Variants in ST6GAL1 observed in about 807,000 individuals in gnomAD.
ST6GAL1 encodes beta-galactoside alpha-2,6-sialyltransferase 1.
A neutral mutation model predicts 38.0 loss-of-function variants in ST6GAL1; 20 were observed. The ratio of observed to expected loss-of-function variants is 0.53; its 90% CI spans 0.37 to 0.77. The LOEUF is 0.77. Ranked by LOEUF, ST6GAL1 falls within the 30% of genes least tolerant of loss-of-function variation. The pLI is 0.00. For missense variants in ST6GAL1, 432 were observed against 496.4 expected (o/e 0.87, Z 1.23); for synonymous variants, 196 against 188.2 (o/e 1.04, Z -0.34).
chr3:187,001,431 C>G (rs1264825123), intron 2 of ST6GAL1, among the ~76,000 whole-genome samples: 1 of 152,228 alleles, frequency 6.6e-6, no homozygotes, highest in African/African-American at 2.4e-5. Context: ...GTGCTGAGAT[C>G]AGTGCCTGGC....
At chr3:186,945,581 G>C (rs959859186) in intron 1 of ST6GAL1, among the ~76,000 whole-genome samples, 3 of 152,132 alleles carry the variant, frequency 2.0e-5, no homozygotes, top group Admixed American at 1.3e-4. Flanking sequence ...GCAGGGGCAG[G>C]GATGGGCAGT....
chr3:187,070,289 G>C (rs575959075), intron 5 of ST6GAL1, among the ~76,000 whole-genome samples: 4 of 152,112 alleles, frequency 2.6e-5, no homozygotes, highest in Admixed American at 2.0e-4. Flanking sequence ...ATGGATGCTG[G>C]GTAACATCTG....
chr3:187,021,989 T>C (rs557946944), intron 2 of ST6GAL1: 1 of 152,284 alleles, frequency 6.6e-6, no homozygotes, highest in South Asian at 2.1e-4. Flanking sequence ...GCATCCTTGA[T>C]GATAAACCAG....
At chr3:187,030,138 A>C (rs1039624141) in intron 2 of ST6GAL1, among the ~76,000 whole-genome samples, 1 of 152,222 alleles carries the variant, frequency 6.6e-6, no homozygotes, top group Non-Finnish European at 1.5e-5. Context: ...ACAAGGAGTT[A>C]TGATAGAAAC....
In ST6GAL1 at chr3:187,075,826, C is replaced by CA; in HGVS notation, c.*24dup. The CA allele has an allele frequency of 1.2e-6, 2 of 1,611,964 alleles. No individual in the cohort carries two copies. Among genetic ancestry groups the CA allele is most frequent in the South Asian group, 2.2e-5 (2 of 91,002 alleles). ...TAAGCACAGGCTCCTCACTCTTCTC[C>CA]ATCAGGCATTAAATGAATGGTCTCT... is the stretch of plus-strand genomic sequence containing the variant. On this transcript the variant is annotated 3_prime_UTR_variant, in exon 8 of 8. Transcript: ENST00000169298. The surrounding 1 kb of genome is among the most constrained non-coding windows in gnomAD (Gnocchi z 4.1).
intron 2 of ST6GAL1, among the ~76,000 whole-genome samples, chr3:187,017,515 T>C (rs998960719): frequency 6.6e-6 from 1 of 152,196 alleles, no homozygotes; most frequent in African/African-American, 2.4e-5. Context: ...ACCAAGGGCC[T>C]TGAAGCTCTC....
At chr3:187,044,283 C>G (rs1247423792) in intron 4 of ST6GAL1, among the ~76,000 whole-genome samples, 1 of 152,206 alleles carries the variant, frequency 6.6e-6, no homozygotes, top group Admixed American at 6.5e-5. Context: ...AAGCAAAGCA[C>G]AGGAAGCTTT....
At chr3:186,968,206 G>A (rs1715217720) in intron 2 of ST6GAL1, among the ~76,000 whole-genome samples, 1 of 152,206 alleles carries the variant, frequency 6.6e-6, no homozygotes, top group African/African-American at 2.4e-5. Flanking sequence ...ATAGCTGCAT[G>A]ACCTCCCGGC....
chr3:186,994,135 C>G (rs571511535), intron 2 of ST6GAL1, among the ~76,000 whole-genome samples: 1 of 152,268 alleles, frequency 6.6e-6, no homozygotes, highest in African/African-American at 2.4e-5. Context: ...GTCGATTCAG[C>G]TCTACTCAGC....
chr3:186,960,147 T>C (rs532486048), intron 1 of ST6GAL1, among the ~76,000 whole-genome samples: 1 of 152,344 alleles, frequency 6.6e-6, no homozygotes, highest in South Asian at 2.1e-4. Context: ...GCCTCACACA[T>C]GGTACACTTA....
At chr3:186,994,761 T>C (rs779804667) in intron 2 of ST6GAL1, among the ~76,000 whole-genome samples, 1 of 152,078 alleles carries the variant, frequency 6.6e-6, no homozygotes, top group Non-Finnish European at 1.5e-5. Flanking sequence ...CTGGCCAACA[T>C]GATGAAACTC....
At chr3:186,972,933 A>G (rs913150880) in intron 2 of ST6GAL1, among the ~76,000 whole-genome samples, 3 of 152,050 alleles carry the variant, frequency 2.0e-5, no homozygotes, top group African/African-American at 7.2e-5. Flanking sequence ...TTCCAGGGGG[A>G]ATGGAGAGGT....
At chr3:186,948,275 G>A (rs1393020575) in intron 1 of ST6GAL1, among the ~76,000 whole-genome samples, 2 of 152,234 alleles carry the variant, frequency 1.3e-5, no homozygotes, top group African/African-American at 2.4e-5. Flanking sequence ...CTGAAAGAGG[G>A]ACCAGGAAGG....
chr3:187,006,664 T>C (rs900300580), intron 2 of ST6GAL1: 2 of 152,230 alleles, frequency 1.3e-5, no homozygotes, highest in African/African-American at 4.8e-5. Context: ...AGTAAGTGAT[T>C]TGTCTAAGGT....
chr3:186,957,280 C>T (rs373244737), intron 1 of ST6GAL1, among the ~76,000 whole-genome samples: 1 of 151,946 alleles, frequency 6.6e-6, no homozygotes, highest in African/African-American at 2.4e-5. Context: ...CACCTCTACT[C>T]AAAAATACAA....
chr3:187,062,381 C>T (rs1488071581), intron 5 of ST6GAL1, among the ~76,000 whole-genome samples: 1 of 152,024 alleles, frequency 6.6e-6, no homozygotes, highest in Non-Finnish European at 1.5e-5. Flanking sequence ...TATTCATACC[C>T]CCATATTCAG....
intron 1 of ST6GAL1, among the ~76,000 whole-genome samples, chr3:186,954,060 T>A (rs1039088920): frequency 3.3e-5 from 5 of 152,144 alleles, no homozygotes; most frequent in African/African-American, 1.2e-4. Flanking sequence ...TAGCTCCCAC[T>A]TATAAGTGAG....
At chr3:186,959,057 G>A (rs542880557) in intron 1 of ST6GAL1, among the ~76,000 whole-genome samples, 113 of 152,086 alleles carry the variant, frequency 7.4e-4, no homozygotes, top group Non-Finnish European at 1.4e-3. Context: ...ACCTAAAATA[G>A]GCACCCAATC....
At chr3:187,019,508 T>C (rs1717225580) in intron 2 of ST6GAL1, among the ~76,000 whole-genome samples, 1 of 152,162 alleles carries the variant, frequency 6.6e-6, no homozygotes, top group Non-Finnish European at 1.5e-5. Context: ...GTGTGTAAAA[T>C]GCAATCCCTC....
Sources: gnomAD v4.1 joint callset for allele counts (sites outside exome capture counted in the v4.1 genomes callset) on GRCh38, gnomAD v4.1.1 for gene constraint, Gnocchi (gnomAD v3.1) non-coding constraint, MANE v1.5 for transcripts, NCBI Gene and HGNC (gene_info 2026-07-23, HGNC 2026-07-21) for gene names.